The following SEMA3A variants were observed in gnomAD, a reference collection of about 807,000 sequenced individuals.
SEMA3A encodes semaphorin 3A.
SEMA3A carries 29 observed loss-of-function variants against 97.9 expected under a neutral mutation model. The observed-to-expected ratio is 0.30, with a 90% confidence interval of 0.22 to 0.40. SEMA3A has a LOEUF of 0.40. Ranked by LOEUF, SEMA3A falls within the 10% of genes least tolerant of loss-of-function variation. The probability of loss-of-function intolerance (pLI) is 1.00; values close to 1 mark genes in which losing one functional copy is unlikely to be tolerated. For missense variants in SEMA3A, 763 were observed against 951.3 expected, an observed-to-expected ratio of 0.80 and a Z score of 2.60; for synonymous variants, 321 against 323.7, an observed-to-expected ratio of 0.99 and a Z score of 0.09.
At chr7:84,415,169 A>G (rs889725020) in intron 1 of SEMA3A, among the ~76,000 whole-genome samples, 3 of 152,122 alleles carry the variant, frequency 2.0e-5, no homozygotes, top group Non-Finnish European at 2.9e-5. Context: ...AAACAGATAG[A>G]AATGATTCGC....
At chr7:83,991,417 T>G (rs998852565) in intron 12 of SEMA3A, among the ~76,000 whole-genome samples, 3 of 151,300 alleles carry the variant, frequency 2.0e-5, no homozygotes, top group Non-Finnish European at 4.4e-5. Flanking sequence ...AGGGAATGCT[T>G]CCAGGTTTTG....
chr7:84,398,125 A>G (rs1443412729), intron 1 of SEMA3A, among the ~76,000 whole-genome samples: 5 of 152,168 alleles, frequency 3.3e-5, no homozygotes, highest in African/African-American at 1.2e-4. Flanking sequence ...GCCTTTTTCA[A>G]TGCAATTTCC....
intron 3 of SEMA3A, among the ~76,000 whole-genome samples, chr7:84,215,725 T>C (rs975851548): frequency 6.6e-6 from 1 of 152,332 alleles, no homozygotes; most frequent in East Asian, 1.9e-4. Flanking sequence ...GCCTGGGACA[T>C]AGTAGGTATC....
chr7:84,263,912 A>C (rs1414967805), intron 3 of SEMA3A, among the ~76,000 whole-genome samples: 4 of 152,214 alleles, frequency 2.6e-5, no homozygotes, highest in Non-Finnish European at 5.9e-5. Context: ...GTTACAACTG[A>C]GATTTGAATA....
At chr7:84,475,487 G>A (rs1014070603) in intron 1 of SEMA3A, among the ~76,000 whole-genome samples, 1 of 152,148 alleles carries the variant, frequency 6.6e-6, no homozygotes, top group African/African-American at 2.4e-5. Flanking sequence ...ACAGATGTTA[G>A]AGCAGACTTT....
intron 12 of SEMA3A, among the ~76,000 whole-genome samples, chr7:83,997,652 T>C (rs1790272629): frequency 6.6e-6 from 1 of 152,188 alleles, no homozygotes. Flanking sequence ...ACAATCTTTT[T>C]CCAAAATTGT....
chr7:84,348,769 G>C (rs985533787), intron 2 of SEMA3A, among the ~76,000 whole-genome samples: 7 of 152,144 alleles, frequency 4.6e-5, no homozygotes, highest in African/African-American at 1.4e-4. Context: ...CTGATCATGA[G>C]GTCAGGAGTT....
At chr7:84,337,884 T>TA (rs1160784808) in intron 2 of SEMA3A, among the ~76,000 whole-genome samples, 2 of 151,998 alleles carry the variant, frequency 1.3e-5, no homozygotes, top group African/African-American at 4.8e-5. Context: ...TTCTCAACAA[T>TA]AAATTTCAGA....
chr7:84,395,407 GA>G (rs1803701338), intron 1 of SEMA3A, among the ~76,000 whole-genome samples: 1 of 151,122 alleles, frequency 6.6e-6, no homozygotes, highest in South Asian at 2.1e-4. Flanking sequence ...TATACTTTCA[GA>G]AACATCATAT....
chr7:84,003,034 C>CTTCA lies in SEMA3A; in HGVS notation c.1361-992_1361-989dup, dbSNP rs548457055. Among the ~76,000 whole-genome samples the CTTCA allele has an allele frequency of 1.3e-4, 20 of 152,184 alleles. No homozygotes were observed. In the East Asian group the frequency reaches 3.9e-3, roughly 29 times the overall value. On this transcript the variant is annotated intron_variant, in intron 11 of 16. Coordinates refer to ENST00000265362, the MANE Select transcript of SEMA3A (RefSeq NM_006080.3). ...ACTAAACTTGATCAAATCTAGTTAGCTTCAACTGGTTCCTTTTAATCAAGT... is the reference window on the plus strand; with the variant it reads ...ACTAAACTTGATCAAATCTAGTTAGCTTCATTCAACTGGTTCCTTTTAATCAAGT...
intron 4 of SEMA3A, among the ~76,000 whole-genome samples, chr7:84,089,583 T>C (rs914798892): frequency 5.9e-5 from 9 of 152,118 alleles, no homozygotes; most frequent in South Asian, 2.1e-4. Flanking sequence ...ACTTATGCTA[T>C]AATTGCAAAT....
chr7:84,166,328 C>T (rs1797204562), intron 1 of SEMA3A, among the ~76,000 whole-genome samples: 1 of 150,868 alleles, frequency 6.6e-6, no homozygotes, highest in Admixed American at 6.6e-5. Flanking sequence ...AATCCCAGCA[C>T]TTTGGGAGGC....
Position 84,389,832 on chromosome 7 carries a change from T to G in SEMA3A, c.-245-17932A>C, listed in dbSNP as rs73386966. Among the ~76,000 whole-genome samples, 1,380 of 152,242 alleles carry G rather than the reference T, an allele frequency of 9.1e-3. 22 individuals are homozygous for G. The highest frequency in any genetic ancestry group is 0.031 in the African/African-American group (1,302 of 41,564). ...TACAGGACTAGAATGAAGGAGTGTT[T>G]ACGTTTTAAACTGAACAGATAAAAT... On this transcript the variant is annotated intron_variant, in intron 1 of 3. Coordinates refer to the SEMA3A transcript ENST00000424555.
chr7:84,150,398 C>G (rs994400938), intron 1 of SEMA3A, among the ~76,000 whole-genome samples: 1 of 152,136 alleles, frequency 6.6e-6, no homozygotes, highest in African/African-American at 2.4e-5. Flanking sequence ...GTGCGCGAGC[C>G]GAAGCAGGGC....
At chr7:84,442,616 C>T (rs553022867) in intron 1 of SEMA3A, among the ~76,000 whole-genome samples, 275 of 151,410 alleles carry the variant, frequency 1.8e-3, no homozygotes, top group Middle Eastern at 7.1e-3. Context: ...CTTTCCTTAC[C>T]GGTAATTACC....
chr7:84,404,021 G>A lies in SEMA3A; in HGVS notation c.-245-32121C>T, dbSNP rs1419119960. 2.6e-5 allele frequency among the ~76,000 whole-genome samples: 4 copies of A among 152,184 alleles called. No individual in the cohort carries two copies. The East Asian group carries it at 7.7e-4, about 29-fold the overall frequency. ...TCCAACGGAACACAGCTCCTCACCA[G>A]CAACAGAACAAAGCTGGACGGAGAA... On this transcript the variant is annotated intron_variant, in intron 1 of 3. Coordinates refer to the SEMA3A transcript ENST00000424555.
At chr7:83,993,666 G>A (rs1584518726) in intron 12 of SEMA3A, among the ~76,000 whole-genome samples, 1 of 120,224 alleles carries the variant, frequency 8.3e-6, no homozygotes, top group East Asian at 2.6e-4. Context: ...TGGCTTGTAG[G>A]GTTTCTGCTG....
intron 1 of SEMA3A, among the ~76,000 whole-genome samples, chr7:84,424,892 A>C (rs1453864627): frequency 3.7e-5 from 3 of 81,144 alleles, no homozygotes; most frequent in Non-Finnish European, 6.4e-5. Flanking sequence ...TTATATATAA[A>C]TAATTTATAT....
chr7:84,319,998 C>A (rs567628695), intron 2 of SEMA3A, among the ~76,000 whole-genome samples: 3 of 152,162 alleles, frequency 2.0e-5, no homozygotes, highest in Admixed American at 6.5e-5. Flanking sequence ...TAAATGATTT[C>A]TTTTTGCTAA....
Sources: allele counts gnomAD v4.1 joint callset (sites outside exome capture counted in the v4.1 genomes callset), GRCh38; gene constraint gnomAD v4.1.1; transcripts MANE v1.5; gene names NCBI Gene and HGNC (gene_info 2026-07-23, HGNC 2026-07-21).